MYMX: variants seen among roughly 807,000 people sequenced by gnomAD.
The protein encoded by MYMX is myomixer, myoblast fusion factor.
the MYMX span, among the ~76,000 whole-genome samples, chr6:44,195,611 C>T: frequency 6.6e-6 from 1 of 151,744 alleles, no homozygotes; most frequent in African/African-American, 2.4e-5. Context: ...GGATTACTGG[C>T]ATGAGCCACT....
the MYMX span, among the ~76,000 whole-genome samples, chr6:44,201,040 C>T: frequency 6.6e-6 from 1 of 152,146 alleles, no homozygotes; most frequent in Admixed American, 6.5e-5. Context: ...GCCCATTTTG[C>T]TCATGTCTTA....
chr6:44,204,464 CA>C, the MYMX span, among the ~76,000 whole-genome samples: 1 of 152,072 alleles, frequency 6.6e-6, no homozygotes, highest in Non-Finnish European at 1.5e-5. Flanking sequence ...TGTGCCACCC[CA>C]AAATATACCT....
the MYMX span, among the ~76,000 whole-genome samples, chr6:44,195,630 CTA>C: frequency 0.085 from 12,942 of 152,216 alleles, 753 homozygotes; most frequent in Middle Eastern, 0.19. Flanking sequence ...CTATACCTGG[CTA>C]TGTTTCTACT....
the MYMX span, among the ~76,000 whole-genome samples, chr6:44,196,896 T>C: frequency 6.6e-6 from 1 of 151,834 alleles, no homozygotes; most frequent in Non-Finnish European, 1.5e-5. Flanking sequence ...AGGCGGAGGT[T>C]GCAGTGAGCT....
upstream of MYMX, among the ~76,000 whole-genome samples, chr6:44,213,583 A>T (rs781328336): frequency 6.6e-6 from 1 of 151,452 alleles, no homozygotes; most frequent in Non-Finnish European, 1.5e-5. Context: ...CACCACGCCC[A>T]GCTAATTTTT....
the MYMX span, among the ~76,000 whole-genome samples, chr6:44,206,456 T>C: frequency 6.6e-6 from 1 of 152,172 alleles, no homozygotes; most frequent in Non-Finnish European, 1.5e-5. Context: ...GGTCTAAAAC[T>C]CCTGGCCTCA....
the MYMX span, among the ~76,000 whole-genome samples, chr6:44,209,341 G>A: frequency 5.3e-5 from 8 of 151,744 alleles, no homozygotes; most frequent in African/African-American, 1.2e-4. Flanking sequence ...ATTCATTCTC[G>A]GAGCCATGGA....
the MYMX span, among the ~76,000 whole-genome samples, chr6:44,200,735 T>C: frequency 6.6e-6 from 1 of 152,134 alleles, no homozygotes; most frequent in Non-Finnish European, 1.5e-5. Context: ...CTGTCCACCC[T>C]CATCCCTCTC....
upstream of MYMX, among the ~76,000 whole-genome samples, chr6:44,212,652 A>G (rs1775653671): frequency 6.6e-6 from 1 of 151,888 alleles, no homozygotes; most frequent in African/African-American, 2.4e-5. Flanking sequence ...AGAATTTTGT[A>G]TAGTCAAACT....
At chr6:44,213,005 GTAAGACCC>G (rs1308185612), upstream of MYMX, among the ~76,000 whole-genome samples, 1 of 152,052 alleles carries the variant, frequency 6.6e-6, no homozygotes, top group Non-Finnish European at 1.5e-5. Flanking sequence ...AGGAAACAGG[GTAAGACCC>G]TGTTTCTAAA....
At chr6:44,206,946 G>T in the MYMX span, among the ~76,000 whole-genome samples, 2 of 152,176 alleles carry the variant, frequency 1.3e-5, no homozygotes, top group South Asian at 4.2e-4. Flanking sequence ...CTTAATAAGA[G>T]GTCCCAGTCT....
upstream of MYMX, among the ~76,000 whole-genome samples, chr6:44,213,673 G>A (rs1775718981): frequency 6.6e-6 from 1 of 152,148 alleles, no homozygotes; most frequent in South Asian, 2.1e-4. Flanking sequence ...GCCCGCCTTG[G>A]CCTCCCAGAG....
upstream of MYMX, chr6:44,216,879 G>C (rs1775898326): frequency 6.6e-6 from 1 of 152,614 alleles, no homozygotes; most frequent in African/African-American, 2.4e-5. Context: ...GCAGAGCAGG[G>C]CGGGGCTACC....
At chr6:44,200,777 A>G in the MYMX span, among the ~76,000 whole-genome samples, 8 of 152,042 alleles carry the variant, frequency 5.3e-5, 1 homozygote, top group Admixed American at 3.3e-4. Flanking sequence ...TCCTGCCCCA[A>G]CAACTGACTG....
chr6:44,208,246 C>CA, the MYMX span, among the ~76,000 whole-genome samples: 55,496 of 122,960 alleles, frequency 0.45, 11,098 homozygotes, highest in Middle Eastern at 0.5. Context: ...GATCTTGTCT[C>CA]AAAAAAAAAA....
chr6:44,208,161 C>T, the MYMX span, among the ~76,000 whole-genome samples: 2 of 151,188 alleles, frequency 1.3e-5, no homozygotes, highest in African/African-American at 4.9e-5. Flanking sequence ...CTGGGAGGAT[C>T]GCTGGAGCCC....
At chr6:44,207,495 A>C in the MYMX span, among the ~76,000 whole-genome samples, 2 of 150,506 alleles carry the variant, frequency 1.3e-5, no homozygotes, top group Non-Finnish European at 3.0e-5. Flanking sequence ...TAGGGCTGCA[A>C]CTTCTGCATC....
chr6:44,216,667 A>G (rs1775883502), upstream of MYMX, among the ~76,000 whole-genome samples: 1 of 150,792 alleles, frequency 6.6e-6, no homozygotes, highest in African/African-American at 2.4e-5. Context: ...AAAAAAAAAA[A>G]AAAAAGAAGA....
chr6:44,201,790 GTAT>G, the MYMX span, among the ~76,000 whole-genome samples: 1 of 152,158 alleles, frequency 6.6e-6, no homozygotes, highest in Non-Finnish European at 1.5e-5. Context: ...TCAGCTGTAG[GTAT>G]TATTATAATT....
Sources: gnomAD v4.1 joint callset for allele counts (sites outside exome capture counted in the v4.1 genomes callset) on GRCh38, gnomAD v4.1.1 for gene constraint, MANE v1.5 for transcripts, NCBI Gene and HGNC (gene_info 2026-07-23, HGNC 2026-07-21) for gene names.